Variants in CNIH4 observed in about 807,000 individuals in gnomAD.
The protein encoded by CNIH4 is protein cornichon homolog 4.
Under a neutral mutation model 21.5 loss-of-function variants are expected in CNIH4, and 9 were observed. The ratio of observed to expected loss-of-function variants is 0.42; its 90% confidence interval spans 0.25 to 0.73. The LOEUF is 0.73. CNIH4 is among the 30% of genes least tolerant of loss of function. The pLI is 0.27. For missense variants in CNIH4, 159 were observed against 170.0 expected, an observed-to-expected ratio of 0.94 and a Z score of 0.36; for synonymous variants, 67 against 59.1, an observed-to-expected ratio of 1.13 and a Z score of -0.61.
Position 224,376,903 on chromosome 1 carries a change from A to C in CNIH4, c.*1081A>C. On this transcript the variant is annotated 3_prime_UTR_variant, in exon 5 of 5. Coordinates refer to ENST00000465271, the MANE Select transcript of CNIH4 (RefSeq NM_014184.4). Reference sequence around the variant, plus strand: ...ATCCTCAGTCCTAGTTTGTGGTTTAATGTTGCTATCTTAAGCACTGGCATT... The same window carrying C: ...ATCCTCAGTCCTAGTTTGTGGTTTACTGTTGCTATCTTAAGCACTGGCATT... 1.0e-6 allele frequency: 1 copy of C among 985,432 alleles called. No homozygotes were observed. Among genetic ancestry groups the C allele is most frequent in the Non-Finnish European group, 1.2e-6 (1 of 829,926 alleles). The allele number at this position is 985,432 out of a possible 1,614,324, so 61.0% of individuals were successfully genotyped here.
chr1:224,361,786 T>C (rs896548246), intron 2 of CNIH4, among the ~76,000 whole-genome samples: 4 of 152,006 alleles, frequency 2.6e-5, no homozygotes, highest in Non-Finnish European at 4.4e-5. Flanking sequence ...GGTTTCACTA[T>C]GTTGCCCAGG....
rs1672247416 is a variant in CNIH4 at position 224,360,477 on chromosome 1, C to T, written c.70-18C>T. 9.8e-6 allele frequency: 12 copies of T among 1,225,546 alleles called. No individual in the cohort carries two copies. Among genetic ancestry groups the T allele is most frequent in the Non-Finnish European group, 1.2e-5 (11 of 889,064 alleles). 75.9% of individuals were successfully genotyped at this position (1,225,546 alleles called of 1,614,324 possible). The stretch of plus-strand genomic sequence containing the variant: ...TTATTATAAAAGAAATATAATAATT[C>T]CTTATCTTGATCATCAGATAATTAC... On this transcript the variant is annotated intron_variant, in intron 1 of 4. Coordinates refer to ENST00000465271, the MANE Select transcript of CNIH4 (RefSeq NM_014184.4).
rs994524932 is a variant in CNIH4 at position 224,377,639 on chromosome 1, C to G, written c.*1817C>G. On this transcript the variant is annotated 3_prime_UTR_variant, in exon 5 of 5. Transcript: ENST00000465271. ...TAGCTGGGATTACGGCTAGCTACTC[C>G]TGGCTAATTTTTGTATTTTTAGTAG... The G allele has an allele frequency of 1.3e-5, 2 of 152,218 alleles. No individual in the cohort carries two copies. The highest frequency in any genetic ancestry group is 2.9e-5 in the Non-Finnish European group (2 of 68,196). 9.4% of individuals were successfully genotyped at this position (152,218 alleles called of 1,614,324 possible).
intron 4 of CNIH4, among the ~76,000 whole-genome samples, chr1:224,375,554 A>G (rs1457704191): frequency 6.6e-6 from 1 of 151,984 alleles, no homozygotes; most frequent in Non-Finnish European, 1.5e-5. Flanking sequence ...TTTTTTAACT[A>G]TAGCCTAACA....
chr1:224,364,004 G>T lies in CNIH4; in HGVS notation c.139-1875G>T, dbSNP rs946831790. The T allele has an allele frequency of 7.2e-6, 7 of 969,718 alleles. No individual in the cohort carries two copies. The South Asian group carries it at 3.3e-4, about 46-fold the overall frequency. 60.1% of individuals were successfully genotyped at this position (969,718 alleles called of 1,614,324 possible). ...GTGTACTGAGAACAAATTCGGGGAA[G>T]GGCATATCGTTAAGGAGGGAAGAGA... is the stretch of plus-strand genomic sequence containing the variant. On this transcript the variant is annotated intron_variant, in intron 2 of 4. Coordinates refer to ENST00000465271, the MANE Select transcript of CNIH4 (RefSeq NM_014184.4).
chr1:224,364,479 G>C, intron 2 of CNIH4: 2 of 689,730 alleles, frequency 2.9e-6, no homozygotes, highest in Non-Finnish European at 3.6e-6. Flanking sequence ...GTATTTTACA[G>C]ATGAAAACAT....
At chr1:224,359,890 A>G (rs1453280690) in intron 1 of CNIH4, among the ~76,000 whole-genome samples, 2 of 152,142 alleles carry the variant, frequency 1.3e-5, no homozygotes, top group Non-Finnish European at 2.9e-5. Flanking sequence ...ATTTGTAGAG[A>G]TGGGGGTGAG....
chr1:224,373,857 AGTTGG>A (rs1672706234), intron 4 of CNIH4, among the ~76,000 whole-genome samples: 1 of 151,974 alleles, frequency 6.6e-6, no homozygotes, highest in Admixed American at 6.6e-5. Context: ...AGTGGTGGGG[AGTTGG>A]ACTGGAGGAA....
At chr1:224,367,842 G>A (rs944984969) in intron 3 of CNIH4, among the ~76,000 whole-genome samples, 1 of 152,206 alleles carries the variant, frequency 6.6e-6, no homozygotes, top group Non-Finnish European at 1.5e-5. Flanking sequence ...AAGTCTACCT[G>A]TAGTTTCACT....
At chr1:224,364,706 G>A (rs969237515) in intron 2 of CNIH4, among the ~76,000 whole-genome samples, 11 of 152,152 alleles carry the variant, frequency 7.2e-5, no homozygotes, top group African/African-American at 1.7e-4. Flanking sequence ...AGGCTGAGGT[G>A]GGTGGATCAC....
At chr1:224,360,835 G>A (rs1032610259) in intron 2 of CNIH4, among the ~76,000 whole-genome samples, 1 of 152,128 alleles carries the variant, frequency 6.6e-6, no homozygotes, top group Non-Finnish European at 1.5e-5. Flanking sequence ...TTCATCATGA[G>A]GGTAATTGTT....
chr1:224,357,018 C>T (rs775950066), intron 1 of CNIH4, 25 bp downstream of exon 1: 41 of 1,597,606 alleles, frequency 2.6e-5, no homozygotes, highest in Admixed American at 3.5e-5. Flanking sequence ...GGCAGGCGAA[C>T]GCCTTGCCGG....
At position 224,376,697 on chromosome 1, in the gene CNIH4, C is replaced by T; in HGVS notation, c.*875C>T. On this transcript the variant is annotated 3_prime_UTR_variant, in exon 5 of 5. Transcript: ENST00000465271. ...CGTGGTGCCAGATCAACACTTCTAT[C>T]CCTCTGCACTGACCACGTTGTGAAC... 1 of 985,438 alleles carries T rather than the reference C, an allele frequency of 1.0e-6. No individual in the cohort carries two copies. The highest frequency in any genetic ancestry group is 4.7e-5 in the South Asian group (1 of 21,286). The allele number at this position is 985,438 out of a possible 1,614,324, so 61.0% of individuals were successfully genotyped here.
In CNIH4 at chr1:224,366,903, A is replaced by T. The variant is rs372214121; in HGVS notation, c.251+912A>T. On this transcript the variant is annotated intron_variant, in intron 3 of 4. Transcript: ENST00000465271. Reference sequence around the variant, plus strand: ...GCGTGAAGCCGGGAGGCGGAGCTTGAAGTGAGCTGAGGTCACGCCACTGCA... The same window carrying T: ...GCGTGAAGCCGGGAGGCGGAGCTTGTAGTGAGCTGAGGTCACGCCACTGCA... Among the ~76,000 whole-genome samples the T allele has an allele frequency of 1.1e-4, 17 of 152,038 alleles. No individual in the cohort carries two copies. The East Asian group carries it at 2.3e-3, about 21-fold the overall frequency.
chr1:224,358,010 A>G (rs1271482907), intron 1 of CNIH4, among the ~76,000 whole-genome samples: 4 of 152,118 alleles, frequency 2.6e-5, no homozygotes, highest in African/African-American at 9.6e-5. Flanking sequence ...TGATCGGATT[A>G]AACCATTTGT....
rs961479323 is a variant in CNIH4, at chr1:224,378,539, G to A, written c.*2717G>A. On this transcript the variant is annotated 3_prime_UTR_variant, in exon 5 of 5. Transcript: ENST00000465271. The stretch of plus-strand genomic sequence containing the variant: ...AAACTGAGGCCTAGAGATCGTTCAG[G>A]GTGTTGTAACTGGGAACATCTGAAT... 6.5e-6 allele frequency: 1 copy of A among 152,812 alleles called. No homozygotes were observed. The highest frequency in any genetic ancestry group is 2.4e-5 in the African/African-American group (1 of 41,322). The allele number at this position is 152,812 out of a possible 1,614,324, so 9.5% of individuals were successfully genotyped here. A position where few individuals can be genotyped will look rare whatever the true frequency, so the allele number is the denominator to read the frequency against.
At chr1:224,358,004 C>T (rs1191734061) in intron 1 of CNIH4, among the ~76,000 whole-genome samples, 2 of 152,104 alleles carry the variant, frequency 1.3e-5, no homozygotes, top group Admixed American at 1.3e-4. Context: ...TGTTTCTGAT[C>T]GGATTAAACC....
At chr1:224,375,672 T>C in intron 4 of CNIH4, 123 bp from the exon 5 acceptor site, 1 of 1,057,020 alleles carries the variant, frequency 9.5e-7, no homozygotes, top group Non-Finnish European at 1.4e-6. Context: ...TGGGTATGAA[T>C]GATTGTCTTT....
rs1319142773 is a variant in CNIH4 at position 224,375,542 on chromosome 1, A to T, written c.393-253A>T. Among the ~76,000 whole-genome samples the T allele has an allele frequency of 1.3e-5, 2 of 150,212 alleles. No homozygotes were observed. Among genetic ancestry groups the T allele is most frequent in the Non-Finnish European group, 3.0e-5 (2 of 67,454 alleles). On this transcript the variant is annotated intron_variant, in intron 4 of 4. Transcript: ENST00000465271. ...GTTGTTTTTGTTTTGTTTTGTTTTT[A>T]TTTTTTTAACTATAGCCTAACATAG...
Sources: gnomAD v4.1 joint callset for allele counts (sites outside exome capture counted in the v4.1 genomes callset) on GRCh38, gnomAD v4.1.1 for gene constraint, MANE v1.5 for transcripts, NCBI Gene and HGNC (gene_info 2026-07-23, HGNC 2026-07-21) for gene names.